The following THSD4 variants were observed in gnomAD, a reference collection of about 807,000 sequenced individuals.
THSD4 encodes thrombospondin type 1 domain containing 4, also known as thrombospondin type-1 domain-containing protein 4.
THSD4 carries 69 observed loss-of-function variants against 119.0 expected under a neutral mutation model. The ratio of observed to expected loss-of-function variants is 0.58; its 90% confidence interval spans 0.48 to 0.71. The LOEUF is 0.71. Ranked by LOEUF, THSD4 falls within the 30% of genes least tolerant of loss-of-function variation. The pLI, the probability that THSD4 is intolerant of heterozygous loss-of-function variation, is 0.00. For synonymous variants in THSD4, 524 were observed against 540.4 expected, an observed-to-expected ratio of 0.97 and a Z score of 0.42; for missense variants, 1,393 against 1,391.1, an observed-to-expected ratio of 1.00 and a Z score of -0.02.
intron 3 of THSD4, chr15:71,187,384 T>G (rs1237959947): frequency 6.5e-6 from 1 of 152,708 alleles, no homozygotes; most frequent in Admixed American, 6.5e-5. Context: ...AGCTGTCAGG[T>G]GCCTCTCTTC....
At chr15:71,690,104 G>T (rs1287421467) in intron 8 of THSD4, among the ~76,000 whole-genome samples, 1 of 152,182 alleles carries the variant, frequency 6.6e-6, no homozygotes, top group East Asian at 1.9e-4. Context: ...TCAATCTTTG[G>T]TGGAAAAATA....
chr15:71,122,044 G>A (rs867674484), intron 1 of THSD4, among the ~76,000 whole-genome samples: 2 of 152,090 alleles, frequency 1.3e-5, no homozygotes, highest in Non-Finnish European at 2.9e-5. Flanking sequence ...ATTACAGGGC[G>A]TGTAGTGACA....
chr15:71,372,185 C>G (rs1596376307), intron 6 of THSD4, among the ~76,000 whole-genome samples: 1 of 152,162 alleles, frequency 6.6e-6, no homozygotes, highest in Admixed American at 6.5e-5. Flanking sequence ...TTTGTCTAAT[C>G]TTTTTTCAAG....
chr15:71,212,631 A>G (rs2043897482), intron 3 of THSD4, among the ~76,000 whole-genome samples: 2 of 152,204 alleles, frequency 1.3e-5, no homozygotes, highest in Non-Finnish European at 2.9e-5. Flanking sequence ...ATTTCTTCTC[A>G]TTTTAACCTT....
chr15:71,144,896 G>T (rs570634843), intron 2 of THSD4, among the ~76,000 whole-genome samples: 1 of 152,276 alleles, frequency 6.6e-6, no homozygotes, highest in East Asian at 1.9e-4. Context: ...GGACCAAAGT[G>T]TAGGCTAATC....
At chr15:71,560,553 G>A (rs2049096562) in intron 7 of THSD4, among the ~76,000 whole-genome samples, 1 of 152,190 alleles carries the variant, frequency 6.6e-6, no homozygotes, top group African/African-American at 2.4e-5. Flanking sequence ...TAGGGGTTTC[G>A]TAGGCAGATA....
intron 6 of THSD4, among the ~76,000 whole-genome samples, chr15:71,388,684 G>GTA (rs2046326975): frequency 6.6e-6 from 1 of 151,150 alleles, no homozygotes; most frequent in Admixed American, 6.6e-5. Flanking sequence ...GTGTGTGTGT[G>GTA]TGTGTGTGTA....
chr15:71,463,500 G>A (rs1217689805), intron 7 of THSD4, among the ~76,000 whole-genome samples: 1 of 152,182 alleles, frequency 6.6e-6, no homozygotes, highest in Non-Finnish European at 1.5e-5. Context: ...CTAAATGCCT[G>A]ATTAATCAAT....
At chr15:71,687,808 A>G (rs1305487107) in intron 8 of THSD4, among the ~76,000 whole-genome samples, 2 of 151,858 alleles carry the variant, frequency 1.3e-5, no homozygotes, top group Non-Finnish European at 2.9e-5. Flanking sequence ...TGTATCAACC[A>G]TTCATCAATC....
At position 71,308,143 on chromosome 15, in the gene THSD4, A is replaced by G. The variant is rs140879806; in HGVS notation, c.1015+51428A>G. ...AATACTGGGTGGTCTATGTTCTCAG[A>G]CATACAAAAACACTCTTATCAGGAC... On this transcript the variant is annotated intron_variant, in intron 6 of 17. Coordinates refer to ENST00000261862, the MANE Select transcript of THSD4 (RefSeq NM_024817.3). Among the ~76,000 whole-genome samples, 730 of 152,310 alleles carry G rather than the reference A, an allele frequency of 4.8e-3. 3 individuals carry two copies. Among genetic ancestry groups the G allele is most frequent in the South Asian group, 0.025 (121 of 4,822 alleles).
Position 71,773,873 on chromosome 15 carries a change from A to C in THSD4, c.2914+2665A>C, listed in dbSNP as rs545914105. Among the ~76,000 whole-genome samples the C allele has an allele frequency of 4.6e-5, 7 of 152,302 alleles. No individual in the cohort carries two copies. In the South Asian group the frequency reaches 1.5e-3, roughly 32 times the overall value. On this transcript the variant is annotated intron_variant, in intron 17 of 17. Coordinates refer to ENST00000261862, the MANE Select transcript of THSD4 (RefSeq NM_024817.3). The stretch of plus-strand genomic sequence containing the variant: ...ATTTAATCCCAGAGTGACATGATTA[A>C]ATCATCCTACAATTGATAGCATCTT...
At chr15:71,406,263 A>G (rs1455546337) in intron 6 of THSD4, among the ~76,000 whole-genome samples, 1 of 152,178 alleles carries the variant, frequency 6.6e-6, no homozygotes, top group Non-Finnish European at 1.5e-5. Flanking sequence ...ATTAAAGTTT[A>G]TTTTATAGCC....
intron 8 of THSD4, among the ~76,000 whole-genome samples, chr15:71,690,387 C>G (rs1029404069): frequency 2.6e-5 from 4 of 152,188 alleles, no homozygotes; most frequent in Non-Finnish European, 5.9e-5. Flanking sequence ...GTCTGTACTT[C>G]TAGATAGTCA....
chr15:71,265,722 CG>C (rs1266737195), intron 6 of THSD4, among the ~76,000 whole-genome samples: 1 of 152,168 alleles, frequency 6.6e-6, no homozygotes. Flanking sequence ...ATTCTCGCTG[CG>C]CGCACAGCAG....
At chr15:71,366,542 A>G (rs970135217) in intron 6 of THSD4, among the ~76,000 whole-genome samples, 1 of 152,172 alleles carries the variant, frequency 6.6e-6, no homozygotes. Flanking sequence ...TATATTTCCC[A>G]TGACAACACA....
chr15:71,320,643 T>C (rs2045254142), intron 6 of THSD4, among the ~76,000 whole-genome samples: 1 of 152,224 alleles, frequency 6.6e-6, no homozygotes, highest in East Asian at 1.9e-4. Flanking sequence ...GATCAAACTT[T>C]TTGCTCCATC....
At position 71,572,078 on chromosome 15, in the gene THSD4, G is replaced by A. The variant is rs896659895; in HGVS notation, c.1153-88452G>A. Among the ~76,000 whole-genome samples the A allele has an allele frequency of 2.0e-5, 3 of 151,890 alleles. No homozygotes were observed. In the East Asian group the frequency reaches 5.8e-4, roughly 29 times the overall value. On this transcript the variant is annotated intron_variant, in intron 7 of 17. Transcript: ENST00000261862. The stretch of plus-strand genomic sequence containing the variant: ...TTGACAGAAAGAGAGAGAGAAACAG[G>A]GATGGATATTGCAGAGAAAAAATTT...
At chr15:71,248,139 G>A (rs981811658) in intron 5 of THSD4, among the ~76,000 whole-genome samples, 2 of 152,176 alleles carry the variant, frequency 1.3e-5, no homozygotes, top group African/African-American at 4.8e-5. Context: ...AAACAGCTGA[G>A]GTTGGTGGTA....
rs2051822943 is a variant in THSD4 at position 71,682,916 on chromosome 15, TCTTC to T, written c.1357+22183_1357+22186del. ...TCTTTCTTTCTTTCTTTCTTCTTCT[TCTTC>T]TTTTTTTTTTTTTTTTTTTGAGTCG... is the stretch of plus-strand genomic sequence containing the variant. On this transcript the variant is annotated intron_variant, in intron 8 of 17. Transcript: ENST00000261862. Among the ~76,000 whole-genome samples the T allele has an allele frequency of 9.6e-5, 10 of 104,230 alleles. 1 individual carries two copies. Among genetic ancestry groups the T allele is most frequent in the African/African-American group, 4.2e-4 (10 of 23,744 alleles). 68.4% of individuals were successfully genotyped at this position (104,230 alleles called of 152,430 possible).
Sources: allele counts gnomAD v4.1 joint callset (sites outside exome capture counted in the v4.1 genomes callset), GRCh38; gene constraint gnomAD v4.1.1; transcripts MANE v1.5; gene names NCBI Gene and HGNC (gene_info 2026-07-23, HGNC 2026-07-21).